The following UMPS variants were observed in gnomAD, a reference collection of about 807,000 sequenced individuals.
UMPS encodes uridine monophosphate synthetase.
A neutral mutation model predicts 38.9 loss-of-function variants in UMPS; 21 were observed. That is an observed-to-expected ratio of 0.54 (90% CI 0.38 to 0.78). UMPS has a LOEUF of 0.78. Ranked by LOEUF, UMPS falls within the 30% of genes least tolerant of loss-of-function variation. The pLI is 0.00. For missense variants in UMPS, 533 were observed against 591.6 expected (o/e 0.90, Z 1.03); for synonymous variants, 208 against 219.3 (o/e 0.95, Z 0.45).
At chr3:124,732,967 G>GGTGTGTGTGTGTGTGTGTGT (rs61383415) in intron 1 of UMPS, among the ~76,000 whole-genome samples, 10 of 147,624 alleles carry the variant, frequency 6.8e-5, no homozygotes, top group African/African-American at 2.3e-4. Context: ...ACTAGATCAT[G>GGTGTGTGTGTGTGTGTGTGT]GTGTGTGTGT....
chr3:124,735,262 C>T lies in UMPS; in HGVS notation c.310+16C>T. 1 of 1,603,458 alleles carries T rather than the reference C, an allele frequency of 6.2e-7. No individual in the cohort carries two copies. Among genetic ancestry groups the T allele is most frequent in the Non-Finnish European group, 8.5e-7 (1 of 1,171,326 alleles). ...AAGGATTATGGTAAAATAAAAGTAACATAAAGCATGAAGTTAATTAATCTG... is the reference window on the plus strand; with the variant it reads ...AAGGATTATGGTAAAATAAAAGTAATATAAAGCATGAAGTTAATTAATCTG... On this transcript the variant is annotated intron_variant, in intron 2 of 5. Coordinates refer to ENST00000232607, the MANE Select transcript of UMPS (RefSeq NM_000373.4).
Position 124,730,481 on chromosome 3 carries a change from G to C in UMPS, c.10G>C (p.Ala4Pro), listed in dbSNP as rs201130807. 49 of 1,614,002 alleles carry C rather than the reference G, an allele frequency of 3.0e-5. 1 individual carries two copies. Among genetic ancestry groups the C allele is most frequent in the South Asian group, 2.1e-4 (19 of 91,086 alleles). Residue 4 changes from alanine (A) to proline (P), a missense_variant, in exon 1 of 6, where the codon GCT becomes CCT. Ala to Pro is a conservative substitution (Grantham distance 27, BLOSUM62 -1). Transcript: ENST00000232607. Reference protein sequence around the residue: MAVARAALGPLVTG... With the variant: MAVPRAALGPLVTG... ...CAGGCAGCGCGCGACAATGGCGGTC[G>C]CTCGTGCAGCTTTGGGGCCATTGGT...
Position 124,744,826 on chromosome 3 carries a change from TC to T in UMPS, c.*746del. On this transcript the variant is annotated 3_prime_UTR_variant, in exon 6 of 6. Coordinates refer to ENST00000232607, the MANE Select transcript of UMPS (RefSeq NM_000373.4). Reference sequence around the variant, plus strand: ...CAAATAATACCTAATTGTTAGCCATTCCCCTCCATCTCTGGCCTAAAAGTGA... The same window carrying T: ...CAAATAATACCTAATTGTTAGCCATTCCCTCCATCTCTGGCCTAAAAGTGA... The T allele has an allele frequency of 2.2e-6, 1 of 454,110 alleles. No homozygotes were observed. The highest frequency in any genetic ancestry group is 4.4e-6 in the Non-Finnish European group (1 of 226,796). The allele number at this position is 454,110 out of a possible 1,614,324, so 28.1% of individuals were successfully genotyped here. A position where few individuals can be genotyped will look rare whatever the true frequency, so the allele number is the denominator to read the frequency against.
In UMPS at chr3:124,747,660, G is replaced by C. The variant is rs751900692; in HGVS notation, c.*3576G>C. 2.2e-6 allele frequency: 1 copy of C among 452,950 alleles called. No individual in the cohort carries two copies. The highest frequency in any genetic ancestry group is 4.4e-6 in the Non-Finnish European group (1 of 225,926). The allele number at this position is 452,950 out of a possible 1,614,324, so 28.1% of individuals were successfully genotyped here. The stretch of plus-strand genomic sequence containing the variant: ...GTAGTGCATGCCATGGAGTTCCAGG[G>C]TGGTTTATTACACGGCAATATCTAG... On this transcript the variant is annotated 3_prime_UTR_variant, in exon 6 of 6. Transcript: ENST00000232607.
chr3:124,740,073 G>A lies in UMPS; in HGVS notation c.1032G>A (p.Val344=), dbSNP rs747663108. ...GGGCAGATCTAGTAAATGCTCACGTGGTGCCAGGCTCAGGAGTTGTGAAAG... is the reference window on the plus strand; with the variant it reads ...GGGCAGATCTAGTAAATGCTCACGTAGTGCCAGGCTCAGGAGTTGTGAAAG... ...ASWADLVNAH[V]VPGSGVVKGL... The change falls in exon 4 of 6, where the codon GTG becomes GTA. Residue 344 remains valine, a synonymous_variant. Coordinates refer to ENST00000232607, the MANE Select transcript of UMPS (RefSeq NM_000373.4). 4 of 1,614,138 alleles carry A rather than the reference G, an allele frequency of 2.5e-6. No individual in the cohort carries two copies. The highest frequency in any genetic ancestry group is 3.4e-6 in the Non-Finnish European group (4 of 1,180,042).
intron 2 of UMPS, among the ~76,000 whole-genome samples, chr3:124,736,421 A>G (rs1000103349): frequency 2.5e-4 from 26 of 104,786 alleles, no homozygotes; most frequent in African/African-American, 8.1e-4. Flanking sequence ...AAAAAGAAAC[A>G]TATTAGTTGA....
intron 1 of UMPS, among the ~76,000 whole-genome samples, chr3:124,731,245 G>A (rs550955313): frequency 3.3e-5 from 5 of 152,266 alleles, no homozygotes; most frequent in Admixed American, 3.3e-4. Context: ...TGGGTAGGCA[G>A]AGAATTCAGT....
In UMPS at chr3:124,746,517, C is replaced by T. The variant is rs1027389780; in HGVS notation, c.*2433C>T. The T allele has an allele frequency of 2.6e-5, 12 of 454,014 alleles. No individual in the cohort carries two copies. Among genetic ancestry groups the T allele is most frequent in the Non-Finnish European group, 4.4e-5 (10 of 226,792 alleles). 28.1% of individuals were successfully genotyped at this position (454,014 alleles called of 1,614,324 possible). ...CAGAGAAGAACTTGGGCTATACAAG[C>T]GCTGTTCTTCAGCATTGAAGTATTT... is the stretch of plus-strand genomic sequence containing the variant. On this transcript the variant is annotated 3_prime_UTR_variant, in exon 6 of 6. Coordinates refer to ENST00000232607, the MANE Select transcript of UMPS (RefSeq NM_000373.4).
At chr3:124,730,740 A>T (rs1437607952) in intron 1 of UMPS, 113 bp downstream of exon 1, 2 of 1,264,234 alleles carry the variant, frequency 1.6e-6, no homozygotes, top group Non-Finnish European at 1.1e-6. Flanking sequence ...CCAAGCAGGC[A>T]GACCGACCCT....
intron 3 of UMPS, among the ~76,000 whole-genome samples, chr3:124,739,371 G>A (rs775560287): frequency 1.3e-5 from 2 of 151,998 alleles, no homozygotes; most frequent in South Asian, 2.1e-4. Context: ...TTGCTCTGTC[G>A]CCCAGGCTGG....
At position 124,740,147 on chromosome 3, in the gene UMPS, C is replaced by A. The variant is rs371213776; in HGVS notation, c.1106C>A (p.Ala369Glu). The part of the protein sequence containing the change: ...LPLHRGCLLI[A>E]EMSSTGSLAT... ...TTGCATCGGGGGTGCCTCCTTATTGCGGAAATGAGCTCCACCGGCTCCCTG... is the reference window on the plus strand; with the variant it reads ...TTGCATCGGGGGTGCCTCCTTATTGAGGAAATGAGCTCCACCGGCTCCCTG... Residue 369 changes from alanine to glutamate, a missense_variant, in exon 4 of 6, where the codon GCG (alanine) becomes GAG (glutamate). By Grantham distance (107) the Ala-to-Glu change is moderately radical. Coordinates refer to ENST00000232607, the MANE Select transcript of UMPS (RefSeq NM_000373.4). 1.2e-6 allele frequency: 2 copies of A among 1,613,676 alleles called. No individual in the cohort carries two copies. Among genetic ancestry groups the A allele is most frequent in the Non-Finnish European group, 8.5e-7 (1 of 1,179,992 alleles).
rs1198651820 is a variant in UMPS, at chr3:124,745,584, A to T, written c.*1500A>T. The T allele has an allele frequency of 2.2e-6, 1 of 453,990 alleles. No homozygotes were observed. Among genetic ancestry groups the T allele is most frequent in the East Asian group, 6.9e-5 (1 of 14,390 alleles). The allele number at this position is 453,990 out of a possible 1,614,324, so 28.1% of individuals were successfully genotyped here. A position where few individuals can be genotyped will look rare whatever the true frequency, so the allele number is the denominator to read the frequency against. On this transcript the variant is annotated 3_prime_UTR_variant, in exon 6 of 6. Coordinates refer to ENST00000232607, the MANE Select transcript of UMPS (RefSeq NM_000373.4). ...TTCAAGAGCTTCTGCTCTAAAGTCCAATTTGGGCTTCATGTCCCCAGTGCT... is the reference window on the plus strand; with the variant it reads ...TTCAAGAGCTTCTGCTCTAAAGTCCTATTTGGGCTTCATGTCCCCAGTGCT...
chr3:124,732,967 G>GGTGTGTGTGTGTGTGTGTGTGTGTGTGT (rs61383415), intron 1 of UMPS, among the ~76,000 whole-genome samples: 2 of 147,624 alleles, frequency 1.4e-5, no homozygotes, highest in African/African-American at 5.1e-5. Context: ...ACTAGATCAT[G>GGTGTGTGTGTGTGTGTGTGTGTGTGTGT]GTGTGTGTGT....
chr3:124,735,769 G>C (rs908762287), intron 2 of UMPS, among the ~76,000 whole-genome samples: 1 of 152,062 alleles, frequency 6.6e-6, no homozygotes, highest in Non-Finnish European at 1.5e-5. Context: ...TTGAGGTCAG[G>C]AGTTCAAGAC....
rs2063601400 is a variant in UMPS, at chr3:124,746,700, C to A, written c.*2616C>A. 6.6e-6 allele frequency: 3 copies of A among 452,108 alleles called. No homozygotes were observed. The highest frequency in any genetic ancestry group is 6.0e-5 in the African/African-American group (3 of 49,780). The allele number at this position is 452,108 out of a possible 1,614,324, so 28.0% of individuals were successfully genotyped here. A position where few individuals can be genotyped will look rare whatever the true frequency, so the allele number is the denominator to read the frequency against. On this transcript the variant is annotated 3_prime_UTR_variant, in exon 6 of 6. Transcript: ENST00000232607. ...GTGAGACTGATGGAGTGGAGAACGC[C>A]ATCCCCCAGCCTCTCCAGCTACTCG...
rs748242990 is a variant in UMPS, at chr3:124,738,069, A to T, written c.812A>T (p.Asp271Val). 1 of 1,614,238 alleles carries T rather than the reference A, an allele frequency of 6.2e-7. No individual in the cohort carries two copies. The highest frequency in any genetic ancestry group is 2.2e-5 in the East Asian group (1 of 44,886). The part of the protein sequence containing the change: ...SLARELLQLA[D>V]ALGPSICMLK... The stretch of plus-strand genomic sequence containing the variant: ...GCCAGAGAGCTGTTGCAGCTAGCAG[A>T]TGCTTTAGGACCTAGTATCTGCATG... The change falls in exon 3 of 6, where the codon GAT (aspartate) becomes GTT (valine). Residue 271 changes from aspartate to valine, a missense_variant. Asp to Val is a radical substitution (Grantham distance 152). Transcript: ENST00000232607.
In UMPS at chr3:124,740,131, G is replaced by A; in HGVS notation, c.1090G>A (p.Gly364Arg). 6.2e-7 allele frequency: 1 copy of A among 1,614,036 alleles called. No homozygotes were observed. The highest frequency in any genetic ancestry group is 8.5e-7 in the Non-Finnish European group (1 of 1,180,040). The change falls in exon 4 of 6, where the codon GGG becomes AGG. Residue 364 changes from glycine to arginine, a missense_variant. By Grantham distance (125) the Gly-to-Arg change is moderately radical. Coordinates refer to ENST00000232607, the MANE Select transcript of UMPS (RefSeq NM_000373.4). ...LQEVGLPLHR[G>R]CLLIAEMSST... ...AGAAGTGGGCCTGCCTTTGCATCGG[G>A]GGTGCCTCCTTATTGCGGAAATGAG... is the stretch of plus-strand genomic sequence containing the variant.
At position 124,746,716 on chromosome 3, in the gene UMPS, C is replaced by A. The variant is rs886057879; in HGVS notation, c.*2632C>A. The A allele has an allele frequency of 1.1e-5, 5 of 450,856 alleles. No homozygotes were observed. Among genetic ancestry groups the A allele is most frequent in the Non-Finnish European group, 2.2e-5 (5 of 224,886 alleles). The allele number at this position is 450,856 out of a possible 1,614,324, so 27.9% of individuals were successfully genotyped here. On this transcript the variant is annotated 3_prime_UTR_variant, in exon 6 of 6. Transcript: ENST00000232607. ...GGAGAACGCCATCCCCCAGCCTCTC[C>A]AGCTACTCGAGGCATTCTGTAGAAC...
chr3:124,744,898 C>G lies in UMPS; in HGVS notation c.*814C>G, dbSNP rs763914466. 1 of 453,958 alleles carries G rather than the reference C, an allele frequency of 2.2e-6. No homozygotes were observed. Among genetic ancestry groups the G allele is most frequent in the African/African-American group, 2.0e-5 (1 of 50,002 alleles). 28.1% of individuals were successfully genotyped at this position (453,958 alleles called of 1,614,324 possible). A position where few individuals can be genotyped will look rare whatever the true frequency, so the allele number is the denominator to read the frequency against. ...GCTGGTTCCCAGAACTGCCATTGCT[C>G]ACTCTCCAAAGAGGGGAAGGTGGGG... On this transcript the variant is annotated 3_prime_UTR_variant, in exon 6 of 6. Transcript: ENST00000232607.
Sources: gnomAD v4.1 joint callset for allele counts (sites outside exome capture counted in the v4.1 genomes callset) on GRCh38, gnomAD v4.1.1 for gene constraint, MANE v1.5 for transcripts, NCBI Gene and HGNC (gene_info 2026-07-23, HGNC 2026-07-21) for gene names.